The following SSBP2 variants were observed in gnomAD, a reference collection of about 807,000 sequenced individuals.
SSBP2 encodes the protein single stranded DNA binding protein 2.
In SSBP2, 17 loss-of-function variants were observed where a neutral mutation model predicts 61.8. That is an observed-to-expected ratio of 0.28 (90% CI 0.19 to 0.41). SSBP2 has a LOEUF of 0.41. Among genes scored for constraint, SSBP2 ranks in the 10% least tolerant of loss-of-function variants. The probability of loss-of-function intolerance (pLI) is 1.00; values close to 1 mark genes in which losing one functional copy is unlikely to be tolerated. For synonymous variants in SSBP2, 139 were observed against 141.3 expected, an observed-to-expected ratio of 0.98 and a Z score of 0.12; for missense variants, 310 against 458.7, an observed-to-expected ratio of 0.68 and a Z score of 2.96.
chr5:81,735,779 A>G (rs1242901018), intron 1 of SSBP2, among the ~76,000 whole-genome samples: 2 of 152,210 alleles, frequency 1.3e-5, no homozygotes, highest in Non-Finnish European at 1.5e-5. Context: ...CTATTGACAG[A>G]GCAAAATATA....
chr5:81,501,259 A>ATATATATG (rs1767720077), intron 5 of SSBP2, among the ~76,000 whole-genome samples: 1 of 62,516 alleles, frequency 1.6e-5, no homozygotes, highest in African/African-American at 1.1e-4. Flanking sequence ...ATATATATAT[A>ATATATATG]TATATATATA....
intron 1 of SSBP2, among the ~76,000 whole-genome samples, chr5:81,714,016 T>A (rs1305233703): frequency 6.6e-6 from 1 of 152,118 alleles, no homozygotes; most frequent in Non-Finnish European, 1.5e-5. Flanking sequence ...CATCAACCCG[T>A]CATCTACATT....
At chr5:81,469,673 T>C (rs1765123422) in intron 8 of SSBP2, among the ~76,000 whole-genome samples, 1 of 151,984 alleles carries the variant, frequency 6.6e-6, no homozygotes, top group Non-Finnish European at 1.5e-5. Context: ...CCATGAATGA[T>C]GAGCTAGTTC....
At chr5:81,636,839 A>G (rs1157876523) in intron 2 of SSBP2, among the ~76,000 whole-genome samples, 1 of 152,238 alleles carries the variant, frequency 6.6e-6, no homozygotes, top group East Asian at 1.9e-4. Context: ...AATTTGCTTC[A>G]TACTGTGCCA....
At chr5:81,463,861 C>T (rs1373349905) in intron 9 of SSBP2, among the ~76,000 whole-genome samples, 3 of 150,968 alleles carry the variant, frequency 2.0e-5, no homozygotes, top group Non-Finnish European at 4.4e-5. Flanking sequence ...CTCCACCTCC[C>T]GGGCTCAAGC....
intron 4 of SSBP2, among the ~76,000 whole-genome samples, chr5:81,544,473 G>A (rs767413872): frequency 6.6e-6 from 1 of 152,152 alleles, no homozygotes; most frequent in Non-Finnish European, 1.5e-5. Context: ...GAGCAGGTGT[G>A]TCTCTTGAAC....
rs117750261 is a variant in SSBP2, at chr5:81,527,572, C to T, written c.283-13855G>A. Among the ~76,000 whole-genome samples, 19 of 151,940 alleles carry T rather than the reference C, an allele frequency of 1.3e-4. No homozygotes were observed. The East Asian group carries it at 2.1e-3, about 17-fold the overall frequency. ...AATCTAGAATATGTAAAACATTCAG[C>T]GAGAATATTTACTAATAACTATTTT... On this transcript the variant is annotated intron_variant, in intron 4 of 16. Transcript: ENST00000320672.
chr5:81,518,511 A>C (rs1163954246), intron 4 of SSBP2, among the ~76,000 whole-genome samples: 1 of 152,124 alleles, frequency 6.6e-6, no homozygotes, highest in Non-Finnish European at 1.5e-5. Context: ...CCCTCACCAG[A>C]CCCAGATGCT....
At chr5:81,420,621 T>C in intron 16 of SSBP2, 88 bp from the exon 17 acceptor site, 1 of 1,073,394 alleles carries the variant, frequency 9.3e-7, no homozygotes, top group Non-Finnish European at 1.4e-6. Flanking sequence ...CGATGAATTC[T>C]AATTTCTTAT....
chr5:81,517,353 T>C (rs572017137), intron 4 of SSBP2, among the ~76,000 whole-genome samples: 454 of 151,590 alleles, frequency 3.0e-3, no homozygotes, highest in Admixed American at 4.7e-3. Context: ...TACTTAGCCA[T>C]CTGTCCTAAA....
intron 15 of SSBP2, among the ~76,000 whole-genome samples, chr5:81,435,540 A>C (rs1762621141): frequency 6.6e-6 from 1 of 152,192 alleles, no homozygotes; most frequent in South Asian, 2.1e-4. Context: ...ATGGTGGAAA[A>C]ACTTGTATCC....
intron 2 of SSBP2, among the ~76,000 whole-genome samples, chr5:81,646,935 C>T (rs144929264): frequency 4.6e-5 from 7 of 151,750 alleles, no homozygotes; most frequent in Admixed American, 1.3e-4. Context: ...GACAGAAGCC[C>T]CATGGTATAC....
Position 81,460,687 on chromosome 5 carries a change from G to A in SSBP2, c.687+368C>T, listed in dbSNP as rs1481965958. 3.3e-5 allele frequency among the ~76,000 whole-genome samples: 5 copies of A among 152,174 alleles called. No homozygotes were observed. In the South Asian group the frequency reaches 1.0e-3, roughly 32 times the overall value. On this transcript the variant is annotated intron_variant, in intron 10 of 16. Coordinates refer to ENST00000320672, the MANE Select transcript of SSBP2 (RefSeq NM_012446.5). The stretch of plus-strand genomic sequence containing the variant: ...ATAATAATTTGGCTTCTTCTAACAG[G>A]TTGATTGTATTTGGCAACTCAGTGA...
intron 2 of SSBP2, among the ~76,000 whole-genome samples, chr5:81,640,467 T>C (rs1748684968): frequency 6.6e-6 from 1 of 152,188 alleles, no homozygotes; most frequent in African/African-American, 2.4e-5. Context: ...GAACACATCA[T>C]ATAAATATAG....
chr5:81,543,634 A>C (rs868163984), intron 4 of SSBP2, among the ~76,000 whole-genome samples: 1 of 152,154 alleles, frequency 6.6e-6, no homozygotes, highest in Non-Finnish European at 1.5e-5. Flanking sequence ...AAACCTACAT[A>C]TATGTATCCT....
chr5:81,430,198 A>G (rs1000407150), intron 15 of SSBP2, among the ~76,000 whole-genome samples: 2 of 152,160 alleles, frequency 1.3e-5, no homozygotes, highest in Non-Finnish European at 2.9e-5. Context: ...CTTAGCTCAA[A>G]AAGGAAAATG....
chr5:81,451,906 G>GTCTTAC (rs1463312420), intron 10 of SSBP2, among the ~76,000 whole-genome samples: 1 of 152,180 alleles, frequency 6.6e-6, no homozygotes, highest in Non-Finnish European at 1.5e-5. Context: ...AGTCTTTGAT[G>GTCTTAC]TCTTTATTAA....
At chr5:81,539,935 C>T (rs968750787) in intron 4 of SSBP2, among the ~76,000 whole-genome samples, 1 of 152,066 alleles carries the variant, frequency 6.6e-6, no homozygotes. Context: ...ATGTTCCCCT[C>T]CCTGTGTCCA....
chr5:81,615,089 C>T lies in SSBP2; in HGVS notation c.282+384G>A, dbSNP rs1046557302. 4.9e-4 allele frequency: 82 copies of T among 168,890 alleles called. 1 individual carries two copies. The highest frequency in any genetic ancestry group is 3.1e-3 in the Middle Eastern group (1 of 326). 10.5% of individuals were successfully genotyped at this position (168,890 alleles called of 1,614,324 possible). On this transcript the variant is annotated intron_variant, in intron 4 of 16. Coordinates refer to ENST00000320672, the MANE Select transcript of SSBP2 (RefSeq NM_012446.5). ...ATAAAAGGAGAAGAATAGAGTATTT[C>T]TATATTTAATCAAAAATCTTATGTG...
Sources: allele counts gnomAD v4.1 joint callset (sites outside exome capture counted in the v4.1 genomes callset), GRCh38; gene constraint gnomAD v4.1.1; transcripts MANE v1.5; gene names NCBI Gene and HGNC (gene_info 2026-07-23, HGNC 2026-07-21).